The following LSM6 variants were observed in gnomAD, a reference collection of about 807,000 sequenced individuals.
LSM6 encodes U6 snRNA-associated Sm-like protein LSm6.
A neutral mutation model predicts 13.5 loss-of-function variants in LSM6; 2 were observed. That is an observed-to-expected ratio of 0.15 (90% CI 0.06 to 0.47). LSM6 has a LOEUF of 0.47. Among genes scored for constraint, LSM6 ranks in the 20% least tolerant of loss-of-function variants. LSM6 has a pLI of 0.97. For missense variants in LSM6, 58 were observed against 96.4 expected (o/e 0.60, Z 1.67); for synonymous variants, 43 against 34.9 (o/e 1.23, Z -0.82).
chr4:146,180,699 ATTT>A (rs149544257), intron 1 of LSM6, among the ~76,000 whole-genome samples: 2,756 of 152,292 alleles, frequency 0.018, 98 homozygotes, highest in African/African-American at 0.063. Context: ...CATTTTAGTG[ATTT>A]TTAACACAAA....
In LSM6 at chr4:146,185,854, A is replaced by G. The variant is rs185231831; in HGVS notation, c.95-1420A>G. ...CAAGTTCAGACGATTCTCCTGCCTCAGCCTCCCAAGTAGCTGGGATTACAG... is the reference window on the plus strand; with the variant it reads ...CAAGTTCAGACGATTCTCCTGCCTCGGCCTCCCAAGTAGCTGGGATTACAG... On this transcript the variant is annotated intron_variant, in intron 2 of 3. Coordinates refer to ENST00000296581, the MANE Select transcript of LSM6 (RefSeq NM_007080.3). Among the ~76,000 whole-genome samples, 65 of 151,896 alleles carry G rather than the reference A, an allele frequency of 4.3e-4. No individual in the cohort carries two copies. In the East Asian group the frequency reaches 5.0e-3, roughly 12 times the overall value.
chr4:146,182,788 G>C (rs888990999), intron 1 of LSM6, 124 bp from the exon 2 acceptor site: 10 of 608,744 alleles, frequency 1.6e-5, no homozygotes, highest in Non-Finnish European at 2.7e-5. Flanking sequence ...GGAGTAATAC[G>C]CGTCTTCTCG....
chr4:146,180,455 C>G (rs765113114), intron 1 of LSM6, among the ~76,000 whole-genome samples: 1 of 152,168 alleles, frequency 6.6e-6, no homozygotes, highest in Non-Finnish European at 1.5e-5. Flanking sequence ...AAGAACATAT[C>G]TGTGTTTATA....
At chr4:146,187,477 A>G (rs1485900000) in intron 3 of LSM6, 90 bp downstream of exon 3, 2 of 753,854 alleles carry the variant, frequency 2.7e-6, no homozygotes, top group East Asian at 2.7e-5. Flanking sequence ...GATAATTTAA[A>G]AGTCCACTTT....
Position 146,191,176 on chromosome 4 carries a change from A to G in LSM6, c.*1520A>G, listed in dbSNP as rs1730461795. 1 of 152,208 alleles carries G rather than the reference A, an allele frequency of 6.6e-6. No homozygotes were observed. Among genetic ancestry groups the G allele is most frequent in the South Asian group, 2.1e-4 (1 of 4,834 alleles). 9.4% of individuals were successfully genotyped at this position (152,208 alleles called of 1,614,324 possible). ...GTACAAATCACCAATTTGCTCTTTTATAAATGAGTTCTTTTAAGGAGAAAA... is the reference window on the plus strand; with the variant it reads ...GTACAAATCACCAATTTGCTCTTTTGTAAATGAGTTCTTTTAAGGAGAAAA... On this transcript the variant is annotated 3_prime_UTR_variant, in exon 4 of 4. Coordinates refer to ENST00000296581, the MANE Select transcript of LSM6 (RefSeq NM_007080.3).
intron 2 of LSM6, chr4:146,183,267 T>C (rs1730271159): frequency 2.8e-6 from 1 of 352,516 alleles, no homozygotes; most frequent in African/African-American, 2.1e-5. Context: ...TGAGATCATA[T>C]GTGCCTAAAT....
At chr4:146,180,177 A>C (rs1230503329) in intron 1 of LSM6, among the ~76,000 whole-genome samples, 1 of 152,194 alleles carries the variant, frequency 6.6e-6, no homozygotes, top group Non-Finnish European at 1.5e-5. Flanking sequence ...GGGGTAAGAG[A>C]GTGTTCTCTG....
chr4:146,177,612 C>G (rs927108691), intron 1 of LSM6, among the ~76,000 whole-genome samples: 2 of 151,902 alleles, frequency 1.3e-5, no homozygotes, highest in African/African-American at 4.8e-5. Flanking sequence ...ACTTTAAAAC[C>G]AAAGAACAAT....
rs555242711 is a variant in LSM6 at position 146,191,217 on chromosome 4, G to A, written c.*1561G>A. On this transcript the variant is annotated 3_prime_UTR_variant, in exon 4 of 4. Transcript: ENST00000296581. ...AAGGAGAAAATGGATGGCTCTCCAA[G>A]TGGAGCATACATGTTCTCATTTGTT... The A allele has an allele frequency of 6.6e-6, 1 of 152,190 alleles. No homozygotes were observed. Among genetic ancestry groups the A allele is most frequent in the African/African-American group, 2.4e-5 (1 of 41,438 alleles). 9.4% of individuals were successfully genotyped at this position (152,190 alleles called of 1,614,324 possible). A position where few individuals can be genotyped will look rare whatever the true frequency, so the allele number is the denominator to read the frequency against.
intron 2 of LSM6, among the ~76,000 whole-genome samples, chr4:146,184,293 G>A (rs1322855155): frequency 1.3e-5 from 2 of 152,010 alleles, no homozygotes; most frequent in African/African-American, 4.8e-5. Context: ...AGGTTTTTGT[G>A]GCCTTTTTTT....
chr4:146,184,732 A>G (rs1004534512), intron 2 of LSM6, among the ~76,000 whole-genome samples: 1 of 151,880 alleles, frequency 6.6e-6, no homozygotes, highest in Non-Finnish European at 1.5e-5. Context: ...TTTTCTCTGT[A>G]CTCTTTAGGG....
intron 1 of LSM6, chr4:146,176,671 A>C (rs1021325229): frequency 6.6e-6 from 1 of 151,948 alleles, no homozygotes; most frequent in Non-Finnish European, 1.5e-5. Flanking sequence ...CTCTTCCTAA[A>C]TATTATTCTA....
At chr4:146,184,171 A>G (rs114333376) in intron 2 of LSM6, among the ~76,000 whole-genome samples, 3,320 of 152,058 alleles carry the variant, frequency 0.022, 98 homozygotes, top group Non-Finnish European at 0.026. Context: ...CCTTCATCCC[A>G]TTAATGGGCA....
chr4:146,184,283 A>C (rs538289422), intron 2 of LSM6, among the ~76,000 whole-genome samples: 1 of 152,150 alleles, frequency 6.6e-6, no homozygotes, highest in African/African-American at 2.4e-5. Context: ...ACCATAGCAC[A>C]GGTTTTTGTG....
At chr4:146,185,570 G>A (rs962516283) in intron 2 of LSM6, among the ~76,000 whole-genome samples, 3 of 150,354 alleles carry the variant, frequency 2.0e-5, no homozygotes, top group Non-Finnish European at 3.0e-5. Flanking sequence ...TTGAGAAAAT[G>A]TCTTGTTTTT....
intron 2 of LSM6, among the ~76,000 whole-genome samples, chr4:146,184,012 G>A (rs1329688068): frequency 6.6e-6 from 1 of 151,978 alleles, no homozygotes; most frequent in East Asian, 1.9e-4. Flanking sequence ...CACAGTTCTG[G>A]TGGCTAGGAA....
chr4:146,176,426 G>A (rs1051437980), intron 1 of LSM6: 3 of 152,260 alleles, frequency 2.0e-5, no homozygotes, highest in Non-Finnish European at 4.4e-5. Context: ...CTGCATAGCA[G>A]GCATTTTTAA....
At chr4:146,179,645 T>G (rs1326457814) in intron 1 of LSM6, among the ~76,000 whole-genome samples, 4 of 152,186 alleles carry the variant, frequency 2.6e-5, no homozygotes, top group Non-Finnish European at 5.9e-5. Flanking sequence ...TGGCTTACAG[T>G]ATTTTGAGGG....
chr4:146,189,048 T>G (rs1412922159), intron 3 of LSM6, among the ~76,000 whole-genome samples: 1 of 151,434 alleles, frequency 6.6e-6, no homozygotes, highest in Non-Finnish European at 1.5e-5. Context: ...GGAGTGTAGT[T>G]GTGCAATCTC....
Sources: allele counts gnomAD v4.1 joint callset (sites outside exome capture counted in the v4.1 genomes callset), GRCh38; gene constraint gnomAD v4.1.1; transcripts MANE v1.5; gene names NCBI Gene and HGNC (gene_info 2026-07-23, HGNC 2026-07-21).